PDE1C: variants seen among roughly 807,000 people sequenced by gnomAD.
The protein encoded by PDE1C is dual specificity calcium/calmodulin-dependent 3',5'-cyclic nucleotide phosphodiesterase 1C.
A neutral mutation model predicts 93.1 loss-of-function variants in PDE1C; 62 were observed. The ratio of observed to expected loss-of-function variants is 0.67; its 90% confidence interval spans 0.54 to 0.82. The LOEUF (loss-of-function observed/expected upper bound fraction) is 0.82. Among genes scored for constraint, PDE1C ranks in the 40% least tolerant of loss-of-function variants. PDE1C has a pLI of 0.00. For synonymous variants in PDE1C, 325 were observed against 310.1 expected (o/e 1.05, Z -0.50); for missense variants, 742 against 884.6 (o/e 0.84, Z 2.04).
At chr7:31,777,322 CATTTT>C (rs1783067462) in intron 16 of PDE1C, among the ~76,000 whole-genome samples, 1 of 151,824 alleles carries the variant, frequency 6.6e-6, no homozygotes, top group African/African-American at 2.4e-5. Flanking sequence ...GATATCGTTC[CATTTT>C]ATTTTATTTA....
chr7:31,620,336 G>T, the PDE1C span, among the ~76,000 whole-genome samples: 7 of 152,086 alleles, frequency 4.6e-5, no homozygotes, highest in Non-Finnish European at 1.0e-4. Flanking sequence ...TGACCCCTGA[G>T]CAGCCTAACT....
At chr7:31,985,996 T>A (rs1355048390) in intron 2 of PDE1C, among the ~76,000 whole-genome samples, 2 of 152,182 alleles carry the variant, frequency 1.3e-5, no homozygotes, top group Non-Finnish European at 2.9e-5. Flanking sequence ...GTGAAGTGGA[T>A]TGACTAGTAT....
chr7:31,769,514 C>T (rs1007773610), intron 17 of PDE1C, among the ~76,000 whole-genome samples: 15 of 152,144 alleles, frequency 9.9e-5, no homozygotes, highest in Non-Finnish European at 4.4e-5. Context: ...TATTGCTTTC[C>T]CACAACTTTC....
At chr7:32,171,047 G>T (rs530590898) in intron 2 of PDE1C, among the ~76,000 whole-genome samples, 2 of 152,116 alleles carry the variant, frequency 1.3e-5, no homozygotes, top group East Asian at 3.9e-4. Context: ...CACAACAAAG[G>T]TTCCTGCCCA....
intron 1 of PDE1C, among the ~76,000 whole-genome samples, chr7:32,295,784 C>G (rs992478926): frequency 1.3e-5 from 2 of 151,622 alleles, no homozygotes; most frequent in Non-Finnish European, 2.9e-5. Flanking sequence ...GTCCCAGCTA[C>G]TCCGGAGGCT....
At chr7:32,211,583 A>T (rs1481266417) in intron 1 of PDE1C, among the ~76,000 whole-genome samples, 1 of 146,344 alleles carries the variant, frequency 6.8e-6, no homozygotes, top group Non-Finnish European at 1.5e-5. Flanking sequence ...CTTATAATAA[A>T]AAAAAAGGGG....
At chr7:32,372,423 G>C (rs1784350141) in intron 1 of PDE1C, among the ~76,000 whole-genome samples, 1 of 152,052 alleles carries the variant, frequency 6.6e-6, no homozygotes, top group African/African-American at 2.4e-5. Flanking sequence ...GTGGTTCTGG[G>C]ACAACTGGAT....
At chr7:31,916,861 T>C (rs898266689) in intron 2 of PDE1C, among the ~76,000 whole-genome samples, 2 of 152,198 alleles carry the variant, frequency 1.3e-5, no homozygotes, top group Non-Finnish European at 2.9e-5. Context: ...TTGGCACCCC[T>C]TTCTGGAGGC....
At chr7:31,643,991 C>A in the PDE1C span, 1 of 1,547,492 alleles carries the variant, frequency 6.5e-7, no homozygotes, top group South Asian at 1.2e-5. Flanking sequence ...AAGGCAGATG[C>A]ACCCGTGATA....
At chr7:31,641,816 G>T in the PDE1C span, among the ~76,000 whole-genome samples, 1 of 152,060 alleles carries the variant, frequency 6.6e-6, no homozygotes, top group African/African-American at 2.4e-5. Context: ...TATAAAATGT[G>T]GTCTTTCATT....
At chr7:32,033,427 TTTGTTA>T (rs1481522660) in intron 2 of PDE1C, among the ~76,000 whole-genome samples, 22 of 152,266 alleles carry the variant, frequency 1.4e-4, no homozygotes, top group African/African-American at 5.3e-4. Context: ...CGCAATTCCC[TTTGTTA>T]TTAAGGGGAT....
chr7:32,331,232 T>TG (rs1330068748), intron 1 of PDE1C, among the ~76,000 whole-genome samples: 1 of 152,198 alleles, frequency 6.6e-6, no homozygotes, highest in Non-Finnish European at 1.5e-5. Flanking sequence ...CAAAAGAGGC[T>TG]GGGCCACCAC....
intron 1 of PDE1C, among the ~76,000 whole-genome samples, chr7:32,412,989 C>T (rs556770863): frequency 3.9e-5 from 6 of 152,154 alleles, no homozygotes; most frequent in Admixed American, 2.0e-4. Context: ...AGGAAACTCA[C>T]GGGGATGAGG....
chr7:32,105,115 C>T (rs768226615), intron 3 of PDE1C, among the ~76,000 whole-genome samples: 14 of 152,178 alleles, frequency 9.2e-5, no homozygotes, highest in Middle Eastern at 3.4e-3. Flanking sequence ...CATTGACCAA[C>T]GGGATAGTGG....
intron 1 of PDE1C, among the ~76,000 whole-genome samples, chr7:32,336,120 A>T (rs1043798066): frequency 6.6e-6 from 1 of 152,246 alleles, no homozygotes; most frequent in African/African-American, 2.4e-5. Flanking sequence ...GGAAATGAGC[A>T]TAGAAAGTGG....
At chr7:31,638,159 A>G in the PDE1C span, among the ~76,000 whole-genome samples, 101 of 152,322 alleles carry the variant, frequency 6.6e-4, no homozygotes, top group African/African-American at 2.3e-3. Context: ...ATCATCATGA[A>G]TTTTGTACCC....
intron 1 of PDE1C, among the ~76,000 whole-genome samples, chr7:32,340,739 T>G (rs531931899): frequency 6.6e-6 from 1 of 151,966 alleles, no homozygotes; most frequent in Non-Finnish European, 1.5e-5. Context: ...AAAGCCAATA[T>G]GAAAATGCTA....
intron 2 of PDE1C, among the ~76,000 whole-genome samples, chr7:31,915,609 A>G (rs936710897): frequency 6.6e-6 from 1 of 152,178 alleles, no homozygotes; most frequent in Non-Finnish European, 1.5e-5. Flanking sequence ...AGCTACACTA[A>G]CTTCTCTGTG....
At chr7:32,409,052 T>C (rs1015661926) in intron 1 of PDE1C, among the ~76,000 whole-genome samples, 1 of 152,064 alleles carries the variant, frequency 6.6e-6, no homozygotes, top group African/African-American at 2.4e-5. Context: ...TCAATGGTAT[T>C]TGAATTTTTC....
Sources: gnomAD v4.1 joint callset for allele counts (sites outside exome capture counted in the v4.1 genomes callset) on GRCh38, gnomAD v4.1.1 for gene constraint, MANE v1.5 for transcripts, NCBI Gene and HGNC (gene_info 2026-07-23, HGNC 2026-07-21) for gene names.